Variants in ARHGAP24 observed in about 807,000 individuals in gnomAD.
ARHGAP24 encodes Rho GTPase activating protein 24, also known as rho GTPase-activating protein 24.
Under a neutral mutation model 76.4 loss-of-function variants are expected in ARHGAP24, and 50 were observed. That is an observed-to-expected ratio of 0.65 (90% CI 0.52 to 0.83). The LOEUF (loss-of-function observed/expected upper bound fraction) is 0.83. Among genes scored for constraint, ARHGAP24 ranks in the 40% least tolerant of loss-of-function variants. ARHGAP24 has a pLI of 0.00. For synonymous variants in ARHGAP24, 345 were observed against 323.3 expected (o/e 1.07, Z -0.72); for missense variants, 930 against 914.2 (o/e 1.02, Z -0.22).
chr4:85,979,824 C>G (rs566965158), intron 8 of ARHGAP24, among the ~76,000 whole-genome samples: 1 of 152,204 alleles, frequency 6.6e-6, no homozygotes, highest in Admixed American at 6.5e-5. Flanking sequence ...TTTTCTTTGT[C>G]TTCCCAGTAT....
At chr4:85,918,888 A>G (rs1259131208) in intron 3 of ARHGAP24, among the ~76,000 whole-genome samples, 1 of 152,172 alleles carries the variant, frequency 6.6e-6, no homozygotes, top group East Asian at 1.9e-4. Flanking sequence ...GTTAACATCT[A>G]AAAGTTGTAT....
chr4:85,536,459 T>C lies in ARHGAP24; in HGVS notation c.-20-34063T>C, dbSNP rs191805496. Among the ~76,000 whole-genome samples, 1,472 of 152,272 alleles carry C rather than the reference T, an allele frequency of 9.7e-3. 12 individuals are homozygous for C. The highest frequency in any genetic ancestry group is 0.018 in the East Asian group (95 of 5,184). ...TAATATATACTATTTTTACTGTCCTTACCACTTATCTTTGACTTTGTTTTA... is the reference window on the plus strand; with the variant it reads ...TAATATATACTATTTTTACTGTCCTCACCACTTATCTTTGACTTTGTTTTA... On this transcript the variant is annotated intron_variant, in intron 1 of 9. Coordinates refer to ENST00000395184, the MANE Select transcript of ARHGAP24 (RefSeq NM_001025616.3).
intron 2 of ARHGAP24, among the ~76,000 whole-genome samples, chr4:85,711,263 G>A (rs1461585380): frequency 6.6e-6 from 1 of 151,982 alleles, no homozygotes; most frequent in African/African-American, 2.4e-5. Flanking sequence ...GTGGAAGGAG[G>A]GAGAGGAGTG....
At chr4:85,495,562 A>AATCC (rs1232599491) in intron 1 of ARHGAP24, among the ~76,000 whole-genome samples, 67 of 151,752 alleles carry the variant, frequency 4.4e-4, no homozygotes, top group African/African-American at 1.5e-3. Context: ...CGTGTTAGCC[A>AATCC]GGATGGGTCT....
chr4:85,926,851 C>T (rs1441224080), intron 4 of ARHGAP24, among the ~76,000 whole-genome samples: 1 of 152,094 alleles, frequency 6.6e-6, no homozygotes, highest in Non-Finnish European at 1.5e-5. Flanking sequence ...AAGAAGAAAA[C>T]CCATGTGTTC....
chr4:85,513,863 G>T (rs1289504559), intron 1 of ARHGAP24, among the ~76,000 whole-genome samples: 3 of 152,122 alleles, frequency 2.0e-5, no homozygotes, highest in African/African-American at 4.8e-5. Flanking sequence ...TAGTTTTGTT[G>T]CTTGTCCCAG....
chr4:85,713,100 C>G (rs1312900938), intron 2 of ARHGAP24, among the ~76,000 whole-genome samples: 1 of 152,058 alleles, frequency 6.6e-6, no homozygotes, highest in African/African-American at 2.4e-5. Context: ...GAGTTTGAGA[C>G]CAGCCTGGAC....
chr4:85,719,401 A>G (rs6531860), intron 2 of ARHGAP24, among the ~76,000 whole-genome samples: 145,994 of 152,218 alleles, frequency 0.96, 70,323 homozygotes, highest in East Asian at 1. Context: ...TACTTCTAAC[A>G]TACAATTTCT....
At chr4:85,963,468 G>C (rs771456826) in intron 5 of ARHGAP24, among the ~76,000 whole-genome samples, 3 of 152,064 alleles carry the variant, frequency 2.0e-5, no homozygotes, top group African/African-American at 7.2e-5. Flanking sequence ...GAATGCATAT[G>C]TTGTACAAAA....
At chr4:85,799,950 G>C (rs915226863) in intron 3 of ARHGAP24, among the ~76,000 whole-genome samples, 1 of 152,164 alleles carries the variant, frequency 6.6e-6, no homozygotes, top group African/African-American at 2.4e-5. Context: ...CTTCAAAAAT[G>C]TCAAAGTCAT....
At chr4:85,768,113 C>T (rs964422104) in intron 3 of ARHGAP24, among the ~76,000 whole-genome samples, 10 of 151,630 alleles carry the variant, frequency 6.6e-5, no homozygotes, top group South Asian at 2.1e-4. Context: ...AATAAATTGG[C>T]GTGACAACTT....
At chr4:85,611,534 T>C (rs1264017534) in intron 2 of ARHGAP24, among the ~76,000 whole-genome samples, 5 of 152,174 alleles carry the variant, frequency 3.3e-5, no homozygotes, top group Admixed American at 1.3e-4. Flanking sequence ...TTTAAAAAAT[T>C]TTCAGCTTAT....
In ARHGAP24 at chr4:85,501,572, G is replaced by GT. The variant is rs564204816; in HGVS notation, c.-21+26020dup. Among the ~76,000 whole-genome samples the GT allele has an allele frequency of 5.5e-3, 838 of 152,196 alleles. 11 individuals are homozygous for GT. The highest frequency in any genetic ancestry group is 0.019 in the African/African-American group (777 of 41,548). ...CCTTTACCCACTTTTTGATGGGGTT[G>GT]TTTTTTTCTTGTGAATTTGTTTAAG... On this transcript the variant is annotated intron_variant, in intron 1 of 9. Coordinates refer to ENST00000395184, the MANE Select transcript of ARHGAP24 (RefSeq NM_001025616.3).
intron 3 of ARHGAP24, among the ~76,000 whole-genome samples, chr4:85,794,090 A>G (rs1487748751): frequency 1.3e-5 from 2 of 152,334 alleles, no homozygotes; most frequent in Non-Finnish European, 2.9e-5. Flanking sequence ...ATAGAGAGGG[A>G]TAAAACTATA....
chr4:85,743,820 T>C (rs1370500370), intron 3 of ARHGAP24, among the ~76,000 whole-genome samples: 1 of 152,200 alleles, frequency 6.6e-6, no homozygotes, highest in African/African-American at 2.4e-5. Flanking sequence ...ACAACCTTAA[T>C]TATAAATAAG....
intron 3 of ARHGAP24, among the ~76,000 whole-genome samples, chr4:85,860,262 G>A (rs577453384): frequency 4.4e-4 from 67 of 152,192 alleles, no homozygotes; most frequent in African/African-American, 1.6e-3. Flanking sequence ...AGATGGGGGA[G>A]TCAGGGTGAC....
chr4:85,497,354 C>T (rs887853617), intron 1 of ARHGAP24, among the ~76,000 whole-genome samples: 42 of 152,256 alleles, frequency 2.8e-4, no homozygotes, highest in Admixed American at 9.8e-4. Flanking sequence ...TTAAATTCAG[C>T]GTCTAGAAAA....
At chr4:85,632,507 A>G (rs934969374) in intron 2 of ARHGAP24, among the ~76,000 whole-genome samples, 2 of 152,058 alleles carry the variant, frequency 1.3e-5, no homozygotes. Context: ...TTTATATAAT[A>G]ACAAGAACCT....
Position 85,942,062 on chromosome 4 carries a change from T to A in ARHGAP24, c.392-4T>A, listed in dbSNP as rs1238165741. 10 of 1,608,142 alleles carry A rather than the reference T, an allele frequency of 6.2e-6. No homozygotes were observed. Among genetic ancestry groups the A allele is most frequent in the African/African-American group, 2.7e-5 (2 of 74,202 alleles). ...CAAGTTTACTGTGATCCTTTTTTTT[T>A]AAGGCATTTTTGGACAGAAACTGGA... On this transcript the variant is annotated splice_region_variant and splice_polypyrimidine_tract_variant and intron_variant, in intron 4 of 9. Transcript: ENST00000395184.
Sources: allele counts gnomAD v4.1 joint callset (sites outside exome capture counted in the v4.1 genomes callset), GRCh38; gene constraint gnomAD v4.1.1; transcripts MANE v1.5; gene names NCBI Gene and HGNC (gene_info 2026-07-23, HGNC 2026-07-21).